The following LIN7A variants were observed in gnomAD, a reference collection of about 807,000 sequenced individuals.
LIN7A encodes the protein protein lin-7 homolog A.
A neutral mutation model predicts 29.8 loss-of-function variants in LIN7A; 25 were observed. The observed-to-expected ratio is 0.84, with a 90% confidence interval of 0.61 to 1.17. The LOEUF (loss-of-function observed/expected upper bound fraction) is 1.17, where lower values mean the gene tolerates loss of function less well. Ranked by LOEUF, LIN7A falls within the 50% of genes most tolerant of loss-of-function variation. The pLI is 0.00. For missense variants in LIN7A, 239 were observed against 287.0 expected (o/e 0.83, Z 1.21); for synonymous variants, 118 against 107.5 (o/e 1.10, Z -0.60).
At chr12:80,850,534 G>T (rs151118524) in intron 2 of LIN7A, among the ~76,000 whole-genome samples, 1 of 152,208 alleles carries the variant, frequency 6.6e-6, no homozygotes, top group East Asian at 1.9e-4. Context: ...GGACAATGTT[G>T]CCCTTCAGGA....
chr12:80,891,654 G>T (rs1053478404), intron 1 of LIN7A, among the ~76,000 whole-genome samples: 4 of 152,068 alleles, frequency 2.6e-5, no homozygotes, highest in Admixed American at 1.3e-4. Context: ...CAATAAAGTG[G>T]GTGTGTTCTA....
intron 5 of LIN7A, among the ~76,000 whole-genome samples, chr12:80,810,845 T>A (rs182215471): frequency 6.6e-5 from 10 of 152,316 alleles, no homozygotes; most frequent in Non-Finnish European, 1.3e-4. Flanking sequence ...TGATTAGAGA[T>A]GTTGAGCATT....
chr12:80,866,079 A>G (rs1470835336), intron 2 of LIN7A, among the ~76,000 whole-genome samples: 3 of 152,206 alleles, frequency 2.0e-5, no homozygotes, highest in Non-Finnish European at 4.4e-5. Context: ...AAAGATAACT[A>G]ATCTTCCTCT....
intron 1 of LIN7A, among the ~76,000 whole-genome samples, chr12:80,927,629 A>G (rs1180594070): frequency 6.6e-6 from 1 of 152,182 alleles, no homozygotes; most frequent in African/African-American, 2.4e-5. Flanking sequence ...CAAACCTCTT[A>G]TATGACAAAT....
intron 1 of LIN7A, among the ~76,000 whole-genome samples, chr12:80,910,154 A>G (rs181904093): frequency 6.6e-6 from 1 of 152,278 alleles, no homozygotes; most frequent in Non-Finnish European, 1.5e-5. Flanking sequence ...TATTGTAAAT[A>G]TTACCTTTTA....
intron 1 of LIN7A, among the ~76,000 whole-genome samples, chr12:80,931,258 C>A (rs763382264): frequency 1.3e-5 from 2 of 152,096 alleles, no homozygotes; most frequent in Non-Finnish European, 2.9e-5. Flanking sequence ...AATGACACAC[C>A]AAACTAGAAA....
At chr12:80,936,941 G>T (rs1457138755) in intron 1 of LIN7A, 2 of 152,152 alleles carry the variant, frequency 1.3e-5, no homozygotes, top group Non-Finnish European at 2.9e-5. Flanking sequence ...CTATCGACCG[G>T]GAGCTGCCGG....
At chr12:80,846,011 A>T in intron 3 of LIN7A, 72 bp from the exon 4 acceptor site, 1 of 1,339,330 alleles carries the variant, frequency 7.5e-7, no homozygotes, top group Non-Finnish European at 1.0e-6. Flanking sequence ...TATGCTTTGC[A>T]GTGGGTAGCT....
intron 1 of LIN7A, among the ~76,000 whole-genome samples, chr12:80,896,885 G>A (rs924169322): frequency 1.3e-5 from 2 of 152,038 alleles, no homozygotes; most frequent in Non-Finnish European, 2.9e-5. Context: ...AAAAACTATA[G>A]TTCTTAAGAG....
rs1170985785 is a variant in LIN7A, at chr12:80,795,772, C to T, written c.*1955G>A. ...AAAATATATGTTTTATTAAATTTTT[C>T]TTATAAAAATGTGAACTATCTCTTT... On this transcript the variant is annotated 3_prime_UTR_variant, in exon 6 of 6. Coordinates refer to ENST00000552864, the MANE Select transcript of LIN7A (RefSeq NM_004664.4). The T allele has an allele frequency of 1.3e-5, 2 of 151,966 alleles. No homozygotes were observed. Among genetic ancestry groups the T allele is most frequent in the African/African-American group, 4.8e-5 (2 of 41,384 alleles). 9.4% of individuals were successfully genotyped at this position (151,966 alleles called of 1,614,324 possible).
At chr12:80,810,577 A>C (rs932169607) in intron 5 of LIN7A, among the ~76,000 whole-genome samples, 3 of 152,196 alleles carry the variant, frequency 2.0e-5, no homozygotes, top group Non-Finnish European at 4.4e-5. Flanking sequence ...TCTCTTTGAC[A>C]TATTGATTTC....
intron 4 of LIN7A, among the ~76,000 whole-genome samples, chr12:80,831,485 T>C (rs1234468894): frequency 5.3e-5 from 8 of 152,220 alleles, no homozygotes; most frequent in Non-Finnish European, 8.8e-5. Context: ...AAAATAGACA[T>C]ACTAAAAGTT....
Position 80,807,077 on chromosome 12 carries a change from T to TTTTTGTTTTTTTTTG in LIN7A, c.*4387_*4388insCAAAAAAAAACAAAA, listed in dbSNP as rs1555221361. 1.1e-4 allele frequency among the ~76,000 whole-genome samples: 13 copies of TTTTTGTTTTTTTTTG among 115,558 alleles called. No individual in the cohort carries two copies. The East Asian group carries it at 1.6e-3, about 14-fold the overall frequency. The allele number at this position is 115,558 out of a possible 152,430, so 75.8% of individuals were successfully genotyped here. ...ATGAAGATGGAGTTTTTTTTTTTTT[T>TTTTTGTTTTTTTTTG]TTTTTTTTTTTTTTGACGGAGTCTC... On this transcript the variant is annotated intron_variant, in intron 5 of 5. Coordinates refer to ENST00000552864, the MANE Select transcript of LIN7A (RefSeq NM_004664.4).
At chr12:80,867,231 G>C (rs995466641) in intron 2 of LIN7A, among the ~76,000 whole-genome samples, 2 of 152,148 alleles carry the variant, frequency 1.3e-5, no homozygotes, top group Non-Finnish European at 2.9e-5. Flanking sequence ...ATAGATGGGA[G>C]CCACCATGCC....
chr12:80,906,260 A>G (rs1876469280), intron 1 of LIN7A, among the ~76,000 whole-genome samples: 1 of 152,174 alleles, frequency 6.6e-6, no homozygotes, highest in Non-Finnish European at 1.5e-5. Context: ...AAAGTGTCTG[A>G]GAATATTGCT....
chr12:80,838,634 TC>T (rs1301570305), intron 4 of LIN7A, among the ~76,000 whole-genome samples: 7 of 152,218 alleles, frequency 4.6e-5, no homozygotes, highest in African/African-American at 1.7e-4. Flanking sequence ...CAGCTTGCAC[TC>T]CTATTTAATT....
intron 4 of LIN7A, among the ~76,000 whole-genome samples, chr12:80,841,342 G>GGGAAGGAAGGAA (rs201176926): frequency 6.3e-5 from 8 of 126,068 alleles, no homozygotes; most frequent in Middle Eastern, 4.2e-3. Flanking sequence ...GAAAGAGGGA[G>GGGAAGGAAGGAA]GGAAGGAAGG....
At chr12:80,873,473 A>G (rs1339582794) in intron 2 of LIN7A, among the ~76,000 whole-genome samples, 2 of 151,718 alleles carry the variant, frequency 1.3e-5, no homozygotes, top group African/African-American at 4.8e-5. Flanking sequence ...TTTGAGGCTG[A>G]AGTGAGTTAT....
intron 3 of LIN7A, among the ~76,000 whole-genome samples, chr12:80,847,346 C>G (rs560575961): frequency 6.6e-6 from 1 of 152,200 alleles, no homozygotes; most frequent in South Asian, 2.1e-4. Context: ...TAATAACACC[C>G]TCTTTTTTTC....
Sources: gnomAD v4.1 joint callset for allele counts (sites outside exome capture counted in the v4.1 genomes callset) on GRCh38, gnomAD v4.1.1 for gene constraint, MANE v1.5 for transcripts, NCBI Gene and HGNC (gene_info 2026-07-23, HGNC 2026-07-21) for gene names.